The following PTGER3 variants were observed in gnomAD, a reference collection of about 807,000 sequenced individuals.
PTGER3 encodes prostaglandin E2 receptor EP3 subtype.
PTGER3 carries 22 observed loss-of-function variants against 34.7 expected under a neutral mutation model. The ratio of observed to expected loss-of-function variants is 0.63; its 90% CI spans 0.45 to 0.91. The LOEUF (loss-of-function observed/expected upper bound fraction) is 0.91. PTGER3 is among the 40% of genes least tolerant of loss of function. PTGER3 has a pLI of 0.00. For missense variants in PTGER3, 468 were observed against 519.4 expected, an observed-to-expected ratio of 0.90 and a Z score of 0.96; for synonymous variants, 241 against 230.1, an observed-to-expected ratio of 1.05 and a Z score of -0.43.
intron 4 of PTGER3, among the ~76,000 whole-genome samples, chr1:70,854,488 A>G (rs1645756215): frequency 1.3e-5 from 2 of 152,142 alleles, no homozygotes; most frequent in African/African-American, 2.4e-5. Context: ...TAATCTCCAC[A>G]TGTCAGAGGA....
intron 4 of PTGER3, among the ~76,000 whole-genome samples, chr1:70,891,861 A>G (rs977349837): frequency 1.3e-5 from 2 of 152,256 alleles, no homozygotes. Flanking sequence ...AATGCTTTAT[A>G]TAATATGGAA....
At chr1:70,875,895 G>A (rs1014474892) in intron 4 of PTGER3, among the ~76,000 whole-genome samples, 2 of 152,088 alleles carry the variant, frequency 1.3e-5, no homozygotes, top group Non-Finnish European at 2.9e-5. Flanking sequence ...TGCTGCAATA[G>A]ACATACGCAC....
At chr1:71,009,650 T>C in intron 2 of PTGER3, 1 of 985,256 alleles carries the variant, frequency 1.0e-6, no homozygotes, top group Non-Finnish European at 1.2e-6. Context: ...TATTTCTACA[T>C]TTCATTCGCT....
At chr1:70,935,079 C>G (rs190835859) in intron 4 of PTGER3, among the ~76,000 whole-genome samples, 72 of 152,006 alleles carry the variant, frequency 4.7e-4, no homozygotes, top group Non-Finnish European at 6.9e-4. Context: ...CATAGTGAGC[C>G]CACCAAGATG....
At chr1:71,000,388 A>G (rs1656367923) in intron 2 of PTGER3, among the ~76,000 whole-genome samples, 1 of 152,160 alleles carries the variant, frequency 6.6e-6, no homozygotes, top group Non-Finnish European at 1.5e-5. Flanking sequence ...TGCTCATAAA[A>G]TGGTATCTGC....
intron 1 of PTGER3, among the ~76,000 whole-genome samples, chr1:71,043,964 A>T (rs1397822021): frequency 1.3e-5 from 2 of 151,302 alleles, no homozygotes; most frequent in East Asian, 4.0e-4. Context: ...TTACAGGCGC[A>T]TGCCACCATG....
intron 4 of PTGER3, among the ~76,000 whole-genome samples, chr1:70,866,085 T>C (rs910709859): frequency 1.3e-5 from 2 of 152,214 alleles, no homozygotes; most frequent in African/African-American, 4.8e-5. Flanking sequence ...TTAAAGAAAG[T>C]ACCCCTTCAT....
intron 1 of PTGER3, among the ~76,000 whole-genome samples, chr1:71,027,018 G>T (rs910109800): frequency 6.6e-6 from 1 of 152,080 alleles, no homozygotes; most frequent in Non-Finnish European, 1.5e-5. Context: ...TCTCCTTAAC[G>T]TGTGAACCCA....
At chr1:70,988,497 C>A (rs1271033947) in intron 2 of PTGER3, among the ~76,000 whole-genome samples, 1 of 152,168 alleles carries the variant, frequency 6.6e-6, no homozygotes, top group Non-Finnish European at 1.5e-5. Flanking sequence ...TTCTAAAATT[C>A]TCCTTAAAGG....
At chr1:71,002,532 C>T (rs1269641983) in intron 2 of PTGER3, among the ~76,000 whole-genome samples, 1 of 151,912 alleles carries the variant, frequency 6.6e-6, no homozygotes, top group African/African-American at 2.4e-5. Flanking sequence ...TTACATATGG[C>T]CAAAATAAAT....
At chr1:70,970,722 A>T (rs1046900898), downstream of PTGER3, 26 of 364,198 alleles carry the variant, frequency 7.1e-5, no homozygotes, top group Non-Finnish European at 9.9e-5. Context: ...AGAAAAGCTG[A>T]TTGAATTTAA....
chr1:71,010,306 T>A, intron 2 of PTGER3: 1 of 983,914 alleles, frequency 1.0e-6, no homozygotes. Flanking sequence ...TGTAATTAAA[T>A]AATCAGAAAT....
chr1:71,031,758 T>C (rs1242064641), intron 1 of PTGER3, among the ~76,000 whole-genome samples: 2 of 152,226 alleles, frequency 1.3e-5, no homozygotes, highest in African/African-American at 4.8e-5. Context: ...GAAATCCTTC[T>C]ACATATGCTC....
At chr1:71,016,300 T>C (rs1657890488) in intron 1 of PTGER3, among the ~76,000 whole-genome samples, 1 of 152,158 alleles carries the variant, frequency 6.6e-6, no homozygotes, top group Admixed American at 6.5e-5. Flanking sequence ...TGCAGACACA[T>C]ACATCTCTAA....
At chr1:70,988,957 T>C (rs1185006329) in intron 2 of PTGER3, among the ~76,000 whole-genome samples, 1 of 152,160 alleles carries the variant, frequency 6.6e-6, no homozygotes, top group Non-Finnish European at 1.5e-5. Context: ...CTTTGGGAGT[T>C]AACATGAGGA....
At chr1:70,982,292 C>T (rs753911694) in intron 2 of PTGER3, among the ~76,000 whole-genome samples, 4 of 152,168 alleles carry the variant, frequency 2.6e-5, no homozygotes, top group Non-Finnish European at 4.4e-5. Context: ...CTCAGTCTTA[C>T]ACCTGCTGCC....
chr1:71,007,548 A>G (rs1657079350), intron 2 of PTGER3: 5 of 985,384 alleles, frequency 5.1e-6, no homozygotes, highest in Non-Finnish European at 6.0e-6. Flanking sequence ...GCACAAAATG[A>G]TGAAGGTTAA....
At chr1:70,917,910 C>T (rs1647223548) in intron 4 of PTGER3, among the ~76,000 whole-genome samples, 1 of 151,968 alleles carries the variant, frequency 6.6e-6, no homozygotes, top group African/African-American at 2.4e-5. Context: ...AGTTCTTTTG[C>T]TATTGAGTTA....
intron 2 of PTGER3, among the ~76,000 whole-genome samples, chr1:70,986,071 CAA>C (rs1283307034): frequency 2.0e-5 from 3 of 152,106 alleles, no homozygotes; most frequent in Admixed American, 6.5e-5. Context: ...AAGATGGCGA[CAA>C]GAGTGATCTC....
Sources: gnomAD v4.1 joint callset for allele counts (sites outside exome capture counted in the v4.1 genomes callset) on GRCh38, gnomAD v4.1.1 for gene constraint, MANE v1.5 for transcripts, NCBI Gene and HGNC (gene_info 2026-07-23, HGNC 2026-07-21) for gene names.